The following SNAPC1 variants were observed in gnomAD, a reference collection of about 807,000 sequenced individuals.
SNAPC1 encodes the protein small nuclear RNA activating complex polypeptide 1.
A neutral mutation model predicts 50.1 loss-of-function variants in SNAPC1; 42 were observed. The ratio of observed to expected loss-of-function variants is 0.84; its 90% confidence interval spans 0.65 to 1.08. SNAPC1 has a LOEUF of 1.08. SNAPC1 is among the 50% of genes least tolerant of loss of function. The pLI is 0.00. For missense variants in SNAPC1, 477 were observed against 427.3 expected, an observed-to-expected ratio of 1.12 and a Z score of -1.02; for synonymous variants, 164 against 144.2, an observed-to-expected ratio of 1.14 and a Z score of -0.98.
rs779388711 is a variant in SNAPC1, at chr14:61,792,913, AATTTGGTC to A, written c.1072+13_1072+20del. ...GTTTGAGTGGAACAGGTACAGATAAAATTTGGTCAAACTAGTCAAGTAAACTAACTTAT... is the reference window on the plus strand; with the variant it reads ...GTTTGAGTGGAACAGGTACAGATAAAAAACTAGTCAAGTAAACTAACTTAT... On this transcript the variant is annotated intron_variant, in intron 9 of 9. Transcript: ENST00000216294. 4 of 1,521,602 alleles carry A rather than the reference AATTTGGTC, an allele frequency of 2.6e-6. No homozygotes were observed. The African/African-American group carries it at 5.5e-5, about 21-fold the overall frequency. 94.3% of individuals were successfully genotyped at this position (1,521,602 alleles called of 1,614,324 possible).
chr14:61,795,233 A>T lies in SNAPC1; in HGVS notation c.*250A>T. 2.3e-6 allele frequency: 1 copy of T among 428,600 alleles called. No homozygotes were observed. Among genetic ancestry groups the T allele is most frequent in the Non-Finnish European group, 4.1e-6 (1 of 243,762 alleles). The allele number at this position is 428,600 out of a possible 1,614,324, so 26.5% of individuals were successfully genotyped here. On this transcript the variant is annotated 3_prime_UTR_variant, in exon 10 of 10. Coordinates refer to ENST00000216294, the MANE Select transcript of SNAPC1 (RefSeq NM_003082.4). Reference sequence around the variant, plus strand: ...CTTGTATTTAGTATGTAATAGAAAAAATTCTGTTATTCGCAGATTGTTACT... The same window carrying T: ...CTTGTATTTAGTATGTAATAGAAAATATTCTGTTATTCGCAGATTGTTACT...
intron 1 of SNAPC1, among the ~76,000 whole-genome samples, chr14:61,765,386 C>T (rs965546934): frequency 2.0e-5 from 3 of 152,108 alleles, no homozygotes; most frequent in Non-Finnish European, 4.4e-5. Context: ...TTGACATGCG[C>T]CCAAGGTGGT....
intron 5 of SNAPC1, 90 bp downstream of exon 5, chr14:61,776,343 G>C: frequency 1.2e-5 from 14 of 1,188,618 alleles, no homozygotes; most frequent in Non-Finnish European, 1.7e-5. Flanking sequence ...CCTAGTTTTA[G>C]AGGCTGTAAT....
At chr14:61,777,344 T>G (rs910978185) in intron 5 of SNAPC1, among the ~76,000 whole-genome samples, 15 of 152,220 alleles carry the variant, frequency 9.9e-5, no homozygotes, top group African/African-American at 3.6e-4. Context: ...CACAAATGAC[T>G]TAGGCATTTA....
intron 4 of SNAPC1, among the ~76,000 whole-genome samples, chr14:61,773,279 T>G (rs950044654): frequency 6.6e-6 from 1 of 152,164 alleles, no homozygotes; most frequent in Non-Finnish European, 1.5e-5. Flanking sequence ...TATACAGTTA[T>G]AATAATGGAC....
At chr14:61,778,202 C>T in intron 6 of SNAPC1, 62 bp downstream of exon 6, 1 of 949,306 alleles carries the variant, frequency 1.1e-6, no homozygotes, top group South Asian at 1.5e-5. Flanking sequence ...AGCATTGTGA[C>T]CCATGGTCAG....
intron 8 of SNAPC1, among the ~76,000 whole-genome samples, chr14:61,787,961 G>A (rs1330146287): frequency 2.0e-5 from 3 of 152,170 alleles, no homozygotes; most frequent in African/African-American, 7.2e-5. Flanking sequence ...TTTTAATGTG[G>A]TTGGGGAACA....
intron 4 of SNAPC1, among the ~76,000 whole-genome samples, chr14:61,773,216 G>A (rs868517513): frequency 6.6e-6 from 1 of 152,006 alleles, no homozygotes; most frequent in Non-Finnish European, 1.5e-5. Context: ...ATTCTAGCCC[G>A]CTGCTATGTA....
chr14:61,781,573 A>G (rs2045073264), intron 7 of SNAPC1, among the ~76,000 whole-genome samples: 1 of 152,158 alleles, frequency 6.6e-6, no homozygotes, highest in Non-Finnish European at 1.5e-5. Context: ...GTAACAAAAC[A>G]AATCCTTAGC....
At chr14:61,764,849 T>A (rs1161071572) in intron 1 of SNAPC1, among the ~76,000 whole-genome samples, 1 of 152,218 alleles carries the variant, frequency 6.6e-6, no homozygotes, top group Non-Finnish European at 1.5e-5. Context: ...CTATATTTAT[T>A]ATTTGAAGAC....
chr14:61,787,481 C>G (rs1299986018), intron 8 of SNAPC1, among the ~76,000 whole-genome samples: 3 of 151,828 alleles, frequency 2.0e-5, no homozygotes, highest in Non-Finnish European at 2.9e-5. Context: ...TCGCACAGCC[C>G]CTAGAATCAC....
intron 4 of SNAPC1, among the ~76,000 whole-genome samples, chr14:61,771,379 T>C (rs17099215): frequency 0.2 from 29,836 of 152,128 alleles, 3,185 homozygotes; most frequent in African/African-American, 0.27. Context: ...TGTATGGCTG[T>C]GGTGCCTGTT....
chr14:61,778,215 T>C (rs2045048521), intron 6 of SNAPC1, 75 bp downstream of exon 6: 3 of 812,122 alleles, frequency 3.7e-6, no homozygotes, highest in Non-Finnish European at 5.8e-6. Flanking sequence ...ATGGTCAGTA[T>C]TATAAGACAT....
rs1191462174 is a variant in SNAPC1, at chr14:61,783,016, C to CT, written c.976+619_976+620insT. ...GAAATCAGTCTAGAATTTTCCAGTG[C>CT]ATTTTTTTTTTTTTTTTTTTTTTGA... On this transcript the variant is annotated intron_variant, in intron 8 of 9. Transcript: ENST00000216294. Among the ~76,000 whole-genome samples, 374 of 125,864 alleles carry CT rather than the reference C, an allele frequency of 3.0e-3. 11 individuals are homozygous for CT. Among genetic ancestry groups the CT allele is most frequent in the African/African-American group, 5.5e-3 (178 of 32,302 alleles). The allele number at this position is 125,864 out of a possible 152,430, so 82.6% of individuals were successfully genotyped here.
At chr14:61,768,577 T>C in intron 3 of SNAPC1, 59 bp from the exon 4 acceptor site, 5 of 923,016 alleles carry the variant, frequency 5.4e-6, no homozygotes, top group Non-Finnish European at 8.6e-6. Flanking sequence ...TATATTTCAA[T>C]ACTTTTAACA....
At chr14:61,791,663 CATGGTGGA>C (rs947173421) in intron 8 of SNAPC1, among the ~76,000 whole-genome samples, 8 of 152,096 alleles carry the variant, frequency 5.3e-5, no homozygotes, top group African/African-American at 1.9e-4. Flanking sequence ...GCCTGGCCAG[CATGGTGGA>C]ACCCCCATCT....
intron 4 of SNAPC1, among the ~76,000 whole-genome samples, chr14:61,775,134 CTG>C (rs2045025261): frequency 6.6e-6 from 1 of 152,134 alleles, no homozygotes; most frequent in Admixed American, 6.5e-5. Context: ...TAAGTCCACT[CTG>C]TGGTATGCTG....
chr14:61,766,340 G>A (rs550843195), intron 1 of SNAPC1, among the ~76,000 whole-genome samples: 22 of 152,280 alleles, frequency 1.4e-4, no homozygotes, highest in South Asian at 1.2e-3. Flanking sequence ...GTGAAGTCCC[G>A]TTCCAGCCAA....
At chr14:61,788,587 AATTGAATTTC>A (rs2140185459) in intron 8 of SNAPC1, among the ~76,000 whole-genome samples, 1 of 152,346 alleles carries the variant, frequency 6.6e-6, no homozygotes, top group African/African-American at 2.4e-5. Context: ...TATAGGAAAT[AATTGAATTTC>A]ATTTATAATT....
Sources: allele counts gnomAD v4.1 joint callset (sites outside exome capture counted in the v4.1 genomes callset), GRCh38; gene constraint gnomAD v4.1.1; transcripts MANE v1.5; gene names NCBI Gene and HGNC (gene_info 2026-07-23, HGNC 2026-07-21).